NHSL1: variants seen among roughly 807,000 people sequenced by gnomAD.
The protein encoded by NHSL1 is NHS-like protein 1.
Under a neutral mutation model 95.0 loss-of-function variants are expected in NHSL1, and 48 were observed. The observed-to-expected ratio is 0.51, with a 90% confidence interval of 0.40 to 0.64. NHSL1 has a LOEUF of 0.64. Among genes scored for constraint, NHSL1 ranks in the 30% least tolerant of loss-of-function variants. The pLI is 0.00. For synonymous variants in NHSL1, 783 were observed against 833.9 expected (o/e 0.94, Z 1.05); for missense variants, 1,971 against 2,077.7 (o/e 0.95, Z 1.00).
At position 138,626,597 on chromosome 6, in the gene NHSL1, T is replaced by C. The variant is rs1410678040; in HGVS notation, c.96+65879A>G. Among the ~76,000 whole-genome samples the C allele has an allele frequency of 2.7e-5, 4 of 149,216 alleles. 1 individual carries two copies. The highest frequency in any genetic ancestry group is 4.4e-5 in the Non-Finnish European group (3 of 67,986). ...TTGTTTATATAATCAAGAAACTTTC[T>C]TAAAAAAAATTGTAGGCCGGGCGCG... On this transcript the variant is annotated intron_variant, in intron 1 of 3. Transcript: ENST00000491526.
chr6:138,616,833 A>G (rs1784585409), intron 1 of NHSL1, among the ~76,000 whole-genome samples: 1 of 152,210 alleles, frequency 6.6e-6, no homozygotes. Context: ...CAGGTCAAAG[A>G]AACACAATGG....
intron 1 of NHSL1, among the ~76,000 whole-genome samples, chr6:138,619,028 G>A (rs192906379): frequency 6.6e-6 from 1 of 152,208 alleles, no homozygotes; most frequent in Non-Finnish European, 1.5e-5. Context: ...GGAGGACACA[G>A]GTAACTTAAA....
intron 1 of NHSL1, among the ~76,000 whole-genome samples, chr6:138,626,060 T>C (rs943573124): frequency 1.3e-5 from 2 of 152,260 alleles, no homozygotes; most frequent in Non-Finnish European, 2.9e-5. Flanking sequence ...GAGGCATTAC[T>C]GGCTATAAAA....
At chr6:138,501,273 T>C (rs1382046975), upstream of NHSL1, among the ~76,000 whole-genome samples, 1 of 152,234 alleles carries the variant, frequency 6.6e-6, no homozygotes, top group Non-Finnish European at 1.5e-5. Flanking sequence ...CGATGCTAAC[T>C]GCTACTCTTT....
At chr6:138,623,915 C>A (rs932012189) in intron 1 of NHSL1, among the ~76,000 whole-genome samples, 7 of 152,144 alleles carry the variant, frequency 4.6e-5, no homozygotes, top group African/African-American at 1.4e-4. Context: ...TCTGGCATTT[C>A]CCCTGCTTGC....
At chr6:138,676,582 T>C (rs945935269) in intron 1 of NHSL1, among the ~76,000 whole-genome samples, 2 of 152,192 alleles carry the variant, frequency 1.3e-5, no homozygotes, top group African/African-American at 2.4e-5. Context: ...GAAAGGGTAA[T>C]ATATTCAAGT....
chr6:138,571,878 G>A (rs1783853745), exon 1 of NHSL1: 1 of 1,551,716 alleles, frequency 6.4e-7, no homozygotes, highest in Middle Eastern at 1.7e-4. Context: ...TTCGGCTGGA[G>A]TCTGAAGGAA....
At chr6:138,581,985 C>G (rs1033742532) in intron 1 of NHSL1, among the ~76,000 whole-genome samples, 2 of 150,876 alleles carry the variant, frequency 1.3e-5, no homozygotes, top group African/African-American at 4.9e-5. Flanking sequence ...CAGCCTCTGC[C>G]TCCCAAGTTC....
At chr6:138,513,319 C>A (rs1562340360) in intron 1 of NHSL1, among the ~76,000 whole-genome samples, 2 of 152,128 alleles carry the variant, frequency 1.3e-5, no homozygotes, top group East Asian at 3.9e-4. Flanking sequence ...AAATACTAAA[C>A]AAAAATGTCC....
At chr6:138,577,506 G>GT (rs1363946028), upstream of NHSL1, among the ~76,000 whole-genome samples, 1 of 152,214 alleles carries the variant, frequency 6.6e-6, no homozygotes, top group African/African-American at 2.4e-5. Flanking sequence ...TGGGAGTGAG[G>GT]TGCATAAACA....
chr6:138,432,605 A>C lies in NHSL1; in HGVS notation c.1740T>G (p.Ser580Arg). 6.4e-7 allele frequency: 1 copy of C among 1,551,636 alleles called. No individual in the cohort carries two copies. The highest frequency in any genetic ancestry group is 8.7e-7 in the Non-Finnish European group (1 of 1,146,876). The change falls in exon 6 of 8, where the codon AGT (serine) becomes AGG (arginine). Residue 580 changes from serine to arginine, a missense_variant. Coordinates refer to ENST00000343505, the MANE Select transcript of NHSL1 (RefSeq NM_001144060.2). This position sits in a 1 kb window ranked among gnomAD's most constrained non-coding sequence, Gnocchi z 4.4. ...GGTCCAAACTGCAGCTGCTCATGTT[A>C]CTTGTGGGAGTGGAATAGCCAGGAG... ...LATPGYSTPTSNMSSCSLDQT... is the reference protein window; with the variant it reads ...LATPGYSTPTRNMSSCSLDQT...
intron 7 of NHSL1, among the ~76,000 whole-genome samples, chr6:138,427,144 G>A (rs892561738): frequency 6.6e-6 from 1 of 152,198 alleles, no homozygotes; most frequent in Non-Finnish European, 1.5e-5. Flanking sequence ...TTTAAACGGT[G>A]AGAGTATGCT....
At chr6:138,456,056 T>C (rs1377833130) in intron 3 of NHSL1, among the ~76,000 whole-genome samples, 1 of 152,246 alleles carries the variant, frequency 6.6e-6, no homozygotes, top group Non-Finnish European at 1.5e-5. Flanking sequence ...TCACAAACAT[T>C]AATTTACTTC....
At chr6:138,504,841 TA>T (rs1780876708) in intron 1 of NHSL1, among the ~76,000 whole-genome samples, 1 of 152,252 alleles carries the variant, frequency 6.6e-6, no homozygotes, top group Admixed American at 6.5e-5. Context: ...CAGCTCAGAA[TA>T]ACTTTCTTTC....
intron 2 of NHSL1, among the ~76,000 whole-genome samples, chr6:138,489,783 GAA>G (rs1362325215): frequency 4.8e-5 from 6 of 124,642 alleles, no homozygotes; most frequent in African/African-American, 1.5e-4. Flanking sequence ...AAAAAAGAGA[GAA>G]AGAAAGAAAG....
At chr6:138,539,240 C>A (rs1199114237) in intron 1 of NHSL1, among the ~76,000 whole-genome samples, 1 of 152,116 alleles carries the variant, frequency 6.6e-6, no homozygotes, top group Non-Finnish European at 1.5e-5. Context: ...ACCCATCTTC[C>A]ACCCCGCATC....
intron 1 of NHSL1, among the ~76,000 whole-genome samples, chr6:138,541,722 T>C (rs138485353): frequency 4.8e-4 from 73 of 152,232 alleles, no homozygotes; most frequent in African/African-American, 1.7e-3. Flanking sequence ...TAAAAGTTCA[T>C]GAAAGAAGCC....
intron 1 of NHSL1, among the ~76,000 whole-genome samples, chr6:138,674,282 AT>A (rs11306693): frequency 0.6 from 90,823 of 151,250 alleles, 28,514 homozygotes; most frequent in East Asian, 0.92. Flanking sequence ...AATTTTTTTA[AT>A]TTTTTGAAGC....
At chr6:138,451,469 T>C (rs917005774) in intron 3 of NHSL1, among the ~76,000 whole-genome samples, 5 of 152,238 alleles carry the variant, frequency 3.3e-5, no homozygotes, top group Non-Finnish European at 5.9e-5. Flanking sequence ...TATATTTTAT[T>C]TATATATATT....
Sources: allele counts gnomAD v4.1 joint callset (sites outside exome capture counted in the v4.1 genomes callset), GRCh38; gene constraint gnomAD v4.1.1; non-coding constraint Gnocchi (gnomAD v3.1); transcripts MANE v1.5; gene names NCBI Gene and HGNC (gene_info 2026-07-23, HGNC 2026-07-21).